The following KYNU variants were observed in gnomAD, a reference collection of about 807,000 sequenced individuals.
KYNU encodes kynureninase.
In KYNU, 54 loss-of-function variants were observed where a neutral mutation model predicts 59.2. The ratio of observed to expected loss-of-function variants is 0.91; its 90% confidence interval spans 0.73 to 1.14. KYNU has a LOEUF of 1.14. Among genes scored for constraint, KYNU ranks in the 50% most tolerant of loss-of-function variants. The pLI, the probability that KYNU is intolerant of heterozygous loss-of-function variation, is 0.00. For synonymous variants in KYNU, 177 were observed against 192.0 expected (o/e 0.92, Z 0.65); for missense variants, 567 against 554.4 (o/e 1.02, Z -0.23).
intron 10 of KYNU, among the ~76,000 whole-genome samples, chr2:142,996,470 A>G (rs1685548994): frequency 6.6e-6 from 1 of 152,136 alleles, no homozygotes; most frequent in African/African-American, 2.4e-5. Context: ...ACTGGGCTGT[A>G]TTCAAAGCAT....
In KYNU at chr2:142,912,953, C is replaced by G. The variant is rs145591373; in HGVS notation, c.170-5656C>G. Reference sequence around the variant, plus strand: ...CATCTCCATCTCCTGACCTCGTGATCCATCCACCTCAGCTCCCAAAGTGCT... The same window carrying G: ...CATCTCCATCTCCTGACCTCGTGATGCATCCACCTCAGCTCCCAAAGTGCT... On this transcript the variant is annotated intron_variant, in intron 2 of 13. Transcript: ENST00000264170. Among the ~76,000 whole-genome samples, 8 of 151,966 alleles carry G rather than the reference C, an allele frequency of 5.3e-5. No homozygotes were observed. In the East Asian group the frequency reaches 1.4e-3, roughly 26 times the overall value.
chr2:142,915,492 T>C (rs558362593), intron 2 of KYNU, among the ~76,000 whole-genome samples: 2 of 152,336 alleles, frequency 1.3e-5, no homozygotes, highest in South Asian at 2.1e-4. Flanking sequence ...GATTTAAATC[T>C]GAAGTGATGT....
intron 4 of KYNU, among the ~76,000 whole-genome samples, chr2:142,951,579 T>C (rs548283798): frequency 1.3e-5 from 2 of 152,270 alleles, no homozygotes; most frequent in South Asian, 4.1e-4. Flanking sequence ...AATCAGTCTG[T>C]TGTAGCTATT....
chr2:143,028,814 C>T (rs1433766495), intron 10 of KYNU, among the ~76,000 whole-genome samples: 1 of 151,840 alleles, frequency 6.6e-6, no homozygotes. Flanking sequence ...CTCCATTGCA[C>T]TCCAGCCTGG....
At chr2:142,978,884 AC>A (rs2105143578) in intron 8 of KYNU, among the ~76,000 whole-genome samples, 1 of 150,902 alleles carries the variant, frequency 6.6e-6, no homozygotes, top group East Asian at 2.0e-4. Flanking sequence ...AAAGGAATAA[AC>A]TAAATAATAA....
chr2:143,016,393 T>A (rs568825325), intron 10 of KYNU, among the ~76,000 whole-genome samples: 1 of 152,364 alleles, frequency 6.6e-6, no homozygotes, highest in East Asian at 1.9e-4. Flanking sequence ...CTCTCTTTCA[T>A]GTACACAATG....
chr2:142,983,980 G>A (rs1344773917), intron 8 of KYNU, among the ~76,000 whole-genome samples: 7 of 151,970 alleles, frequency 4.6e-5, no homozygotes, highest in Non-Finnish European at 1.0e-4. Context: ...AGAAAAGGCA[G>A]GAGTAGTTGA....
In KYNU at chr2:142,954,824, G is replaced by T. The variant is rs868328176; in HGVS notation, c.388G>T (p.Glu130Ter). The T allele has an allele frequency of 1.3e-6, 2 of 1,599,866 alleles. No individual in the cohort carries two copies. The highest frequency in any genetic ancestry group is 2.7e-5 in the African/African-American group (2 of 74,738). The change falls in exon 5 of 14, where the codon GAA (glutamate) becomes TAA (stop). Residue 130 changes from glutamate (E) to a stop codon, truncating the protein, a stop_gained. Transcript: ENST00000264170. LOFTEE classifies it high-confidence loss of function. ...TTATTTTACAGGAGCCAATGAGAAA[G>T]AAATAGCCCTAATGAATGCTTTGAC... is the stretch of plus-strand genomic sequence containing the variant. ...MKDIVGANEK[E>*]IALMNALTVN...
At position 143,053,766 on chromosome 2, in the gene KYNU, T is replaced by C; in HGVS notation, c.*11594T>C. 6.6e-6 allele frequency: 1 copy of C among 152,602 alleles called. No homozygotes were observed. Among genetic ancestry groups the C allele is most frequent in the Non-Finnish European group, 1.5e-5 (1 of 68,276 alleles). 9.5% of individuals were successfully genotyped at this position (152,602 alleles called of 1,614,324 possible). Reference sequence around the variant, plus strand: ...CATTAAACCTCTTTCTTTTGTAAATTGCCCAATCTTGGGAATGTCTTTATC... The same window carrying C: ...CATTAAACCTCTTTCTTTTGTAAATCGCCCAATCTTGGGAATGTCTTTATC... On this transcript the variant is annotated 3_prime_UTR_variant, in exon 14 of 14. Coordinates refer to ENST00000264170, the MANE Select transcript of KYNU (RefSeq NM_003937.3).
intron 1 of KYNU, among the ~76,000 whole-genome samples, chr2:142,877,959 G>A (rs550034306): frequency 6.0e-4 from 92 of 152,198 alleles, no homozygotes; most frequent in African/African-American, 2.1e-3. Context: ...CTTTACTAAT[G>A]TAATAGAAAA....
At chr2:143,032,735 G>GTGTGTGTGTGTGTGTGTGTGTC (rs1159733993) in intron 11 of KYNU, among the ~76,000 whole-genome samples, 1 of 151,430 alleles carries the variant, frequency 6.6e-6, no homozygotes, top group South Asian at 2.1e-4. Flanking sequence ...GTGTGTGTGT[G>GTGTGTGTGTGTGTGTGTGTGTC]TGTGTGTCTG....
chr2:143,012,858 C>T (rs1686149710), intron 10 of KYNU, among the ~76,000 whole-genome samples: 1 of 152,176 alleles, frequency 6.6e-6, no homozygotes, highest in African/African-American at 2.4e-5. Context: ...TCTGCATTTT[C>T]TTCCCTCACA....
At chr2:142,949,577 G>A (rs571058433) in intron 4 of KYNU, among the ~76,000 whole-genome samples, 28 of 152,300 alleles carry the variant, frequency 1.8e-4, no homozygotes, top group Admixed American at 3.9e-4. Flanking sequence ...CTGTACCTTG[G>A]CCCCTTTCAT....
chr2:142,884,767 T>C (rs1435545630), intron 1 of KYNU, among the ~76,000 whole-genome samples: 1 of 139,578 alleles, frequency 7.2e-6, no homozygotes, highest in Non-Finnish European at 1.5e-5. Context: ...AGTGCGGTGG[T>C]ACAATCCCAG....
intron 12 of KYNU, among the ~76,000 whole-genome samples, chr2:143,034,046 G>T (rs539772530): frequency 2.0e-5 from 3 of 151,754 alleles, no homozygotes; most frequent in African/African-American, 7.2e-5. Flanking sequence ...ACAAGAAAAT[G>T]AAATTGTGAT....
intron 4 of KYNU, among the ~76,000 whole-genome samples, chr2:142,930,171 T>A (rs918814622): frequency 2.6e-5 from 4 of 152,166 alleles, no homozygotes; most frequent in Non-Finnish European, 2.9e-5. Context: ...GATTTTATGG[T>A]TTGTAGGATG....
chr2:142,912,448 C>T (rs1365427540), intron 2 of KYNU, among the ~76,000 whole-genome samples: 4 of 140,196 alleles, frequency 2.9e-5, no homozygotes, highest in African/African-American at 8.2e-5. Flanking sequence ...GGTGCGATCT[C>T]GGCTCACCAC....
chr2:142,987,008 GACA>G (rs1403569141), intron 10 of KYNU, among the ~76,000 whole-genome samples: 1 of 151,662 alleles, frequency 6.6e-6, no homozygotes, highest in African/African-American at 2.4e-5. Context: ...TTAAACTTAA[GACA>G]ACATTTGTCT....
At chr2:143,032,711 TTGTG>T (rs61062901) in intron 11 of KYNU, among the ~76,000 whole-genome samples, 8 of 129,370 alleles carry the variant, frequency 6.2e-5, no homozygotes, top group East Asian at 4.4e-4. Context: ...GCTCCCTCTA[TTGTG>T]TGTGTGTGTG....
Sources: allele counts gnomAD v4.1 joint callset (sites outside exome capture counted in the v4.1 genomes callset), GRCh38; gene constraint gnomAD v4.1.1; transcripts MANE v1.5; gene names NCBI Gene and HGNC (gene_info 2026-07-23, HGNC 2026-07-21).